The following RBFOX1 variants were observed in gnomAD, a reference collection of about 807,000 sequenced individuals.
RBFOX1 encodes the protein RNA binding fox-1 homolog 1.
Under a neutral mutation model 57.7 loss-of-function variants are expected in RBFOX1, and 8 were observed. The observed-to-expected ratio is 0.14, with a 90% CI of 0.08 to 0.25. The LOEUF (loss-of-function observed/expected upper bound fraction) is 0.25. RBFOX1 is among the 10% of genes least tolerant of loss of function. The pLI, the probability that RBFOX1 is intolerant of heterozygous loss-of-function variation, is 1.00. For missense variants in RBFOX1, 611 were observed against 548.5 expected, an observed-to-expected ratio of 1.11 and a Z score of -1.14; for synonymous variants, 326 against 222.4, an observed-to-expected ratio of 1.47 and a Z score of -4.15.
chr16:7,115,802 T>C (rs2065780234), intron 4 of RBFOX1, among the ~76,000 whole-genome samples: 2 of 152,104 alleles, frequency 1.3e-5, no homozygotes, highest in South Asian at 4.1e-4. Context: ...GGGGAGGGAG[T>C]TACACATGAA....
chr16:5,385,551 C>T (rs1475509572), intron 1 of RBFOX1, among the ~76,000 whole-genome samples: 1 of 152,110 alleles, frequency 6.6e-6, no homozygotes, highest in East Asian at 1.9e-4. Context: ...ATGGCTTTCT[C>T]CCCCTTAAAT....
chr16:6,529,278 C>G (rs866599636), intron 2 of RBFOX1, among the ~76,000 whole-genome samples: 2 of 151,938 alleles, frequency 1.3e-5, no homozygotes, highest in Non-Finnish European at 2.9e-5. Context: ...AATAATTTAC[C>G]CTGTCCAGGC....
intron 1 of RBFOX1, among the ~76,000 whole-genome samples, chr16:6,181,506 C>T (rs772848571): frequency 2.6e-5 from 4 of 152,220 alleles, no homozygotes; most frequent in Non-Finnish European, 5.9e-5. Context: ...GACTTCCTCA[C>T]TCAGCCATAG....
At chr16:6,243,797 T>G (rs896649864) in intron 1 of RBFOX1, among the ~76,000 whole-genome samples, 1 of 152,116 alleles carries the variant, frequency 6.6e-6, no homozygotes, top group African/African-American at 2.4e-5. Context: ...GGTGGGAACT[T>G]AGAGTCGTCA....
In RBFOX1 at chr16:6,687,040, T is replaced by C. The variant is rs138951785; in HGVS notation, c.-16+32390T>C. ...ATGGTTAAACTCATTTCAGAAATCT[T>C]TGCAGTGTTAAAAACAGGAACAGCA... On this transcript the variant is annotated intron_variant, in intron 3 of 15. Transcript: ENST00000550418. Among the ~76,000 whole-genome samples the C allele has an allele frequency of 3.7e-3, 564 of 152,328 alleles. 5 individuals are homozygous for C. The highest frequency in any genetic ancestry group is 0.013 in the African/African-American group (537 of 41,562).
At chr16:5,878,689 C>A (rs532685679) in intron 4 of RBFOX1, among the ~76,000 whole-genome samples, 12 of 146,152 alleles carry the variant, frequency 8.2e-5, no homozygotes, top group Admixed American at 6.0e-4. Flanking sequence ...GAATGACAAT[C>A]GGGGTCGAAA....
chr16:7,200,815 C>A (rs532744855), intron 4 of RBFOX1, among the ~76,000 whole-genome samples: 27 of 152,254 alleles, frequency 1.8e-4, no homozygotes, highest in African/African-American at 6.3e-4. Flanking sequence ...GATGAAAACA[C>A]CATAGGCCCT....
intron 3 of RBFOX1, among the ~76,000 whole-genome samples, chr16:6,756,683 A>T (rs1216829574): frequency 5.9e-5 from 9 of 152,164 alleles, no homozygotes; most frequent in Non-Finnish European, 1.2e-4. Flanking sequence ...TTAAAAGAAG[A>T]TATACAGGCC....
At chr16:7,071,151 C>A (rs943666882) in intron 4 of RBFOX1, among the ~76,000 whole-genome samples, 4 of 152,144 alleles carry the variant, frequency 2.6e-5, no homozygotes, top group Middle Eastern at 3.2e-3. Flanking sequence ...GGCTGCTACC[C>A]TGAAGCTTCC....
chr16:5,766,145 G>T (rs1239280225), intron 3 of RBFOX1, among the ~76,000 whole-genome samples: 1 of 152,178 alleles, frequency 6.6e-6, no homozygotes, highest in African/African-American at 2.4e-5. Flanking sequence ...TGCCATCATA[G>T]ATATTCATGG....
At chr16:5,628,060 T>C (rs1158209028) in intron 3 of RBFOX1, among the ~76,000 whole-genome samples, 1 of 152,186 alleles carries the variant, frequency 6.6e-6, no homozygotes, top group African/African-American at 2.4e-5. Flanking sequence ...TTAAGTAAAG[T>C]AGTATAAGGG....
intron 5 of RBFOX1, among the ~76,000 whole-genome samples, chr16:7,571,769 G>A (rs180704781): frequency 1.3e-5 from 2 of 152,078 alleles, no homozygotes; most frequent in South Asian, 4.2e-4. Flanking sequence ...ATCTGTGTAG[G>A]GTCCTGCAGC....
At chr16:5,903,891 C>T (rs937720029) in intron 4 of RBFOX1, among the ~76,000 whole-genome samples, 1 of 152,126 alleles carries the variant, frequency 6.6e-6, no homozygotes, top group Non-Finnish European at 1.5e-5. Context: ...TGCATGTGCT[C>T]ACCAGAGCTG....
intron 5 of RBFOX1, among the ~76,000 whole-genome samples, chr16:7,524,788 G>A (rs78542167): frequency 0.016 from 2,407 of 152,290 alleles, 68 homozygotes; most frequent in African/African-American, 0.055. Context: ...GGAAGATAAG[G>A]TATTGGTTGG....
intron 4 of RBFOX1, among the ~76,000 whole-genome samples, chr16:7,235,991 TTAG>T (rs763829023): frequency 2.6e-5 from 4 of 152,222 alleles, no homozygotes; most frequent in Non-Finnish European, 5.9e-5. Context: ...CCATTGCTGA[TTAG>T]TAACTAGAGA....
At chr16:6,862,530 G>C (rs1045862795) in intron 3 of RBFOX1, among the ~76,000 whole-genome samples, 1 of 152,214 alleles carries the variant, frequency 6.6e-6, no homozygotes, top group Non-Finnish European at 1.5e-5. Context: ...GCAGAATGGA[G>C]GTGATACTTA....
In RBFOX1 at chr16:5,975,581, A is replaced by T. The variant is rs138567660; in HGVS notation, c.351+108246A>T. Among the ~76,000 whole-genome samples the T allele has an allele frequency of 4.8e-3, 736 of 152,290 alleles. 4 individuals are homozygous for T. The highest frequency in any genetic ancestry group is 7.2e-3 in the Non-Finnish European group (492 of 68,020). On this transcript the variant is annotated intron_variant, in intron 4 of 19. Coordinates refer to the RBFOX1 transcript ENST00000641259. ...AGGCACTGCTGTTTGTTTTTCCTGA[A>T]CCAGTGTATTCATCTTTCCTGTGTC...
chr16:6,357,929 C>A (rs568970475), intron 2 of RBFOX1, among the ~76,000 whole-genome samples: 2 of 150,750 alleles, frequency 1.3e-5, no homozygotes, highest in East Asian at 3.9e-4. Flanking sequence ...TTCACTCCAG[C>A]CTGGGCAACA....
At chr16:7,087,911 G>A (rs146728415) in intron 4 of RBFOX1, among the ~76,000 whole-genome samples, 22 of 151,446 alleles carry the variant, frequency 1.5e-4, no homozygotes, top group East Asian at 9.7e-4. Context: ...TCTCTCTCTC[G>A]CTCTCTCTTT....
Sources: gnomAD v4.1 joint callset for allele counts (sites outside exome capture counted in the v4.1 genomes callset) on GRCh38, gnomAD v4.1.1 for gene constraint, MANE v1.5 for transcripts, NCBI Gene and HGNC (gene_info 2026-07-23, HGNC 2026-07-21) for gene names.